GMDS: variants seen among roughly 807,000 people sequenced by gnomAD.
GMDS encodes the protein GDP-mannose 4,6 dehydratase.
In GMDS, 20 loss-of-function variants were observed where a neutral mutation model predicts 49.9. The observed-to-expected ratio is 0.40, with a 90% CI of 0.28 to 0.58. The LOEUF (loss-of-function observed/expected upper bound fraction) is 0.58, where lower values mean the gene tolerates loss of function less well. Ranked by LOEUF, GMDS falls within the 20% of genes least tolerant of loss-of-function variation. GMDS has a pLI of 0.42. For missense variants in GMDS, 362 were observed against 481.4 expected (o/e 0.75, Z 2.32); for synonymous variants, 177 against 178.6 (o/e 0.99, Z 0.07).
At chr6:1,913,543 G>C (rs1171164657) in intron 7 of GMDS, among the ~76,000 whole-genome samples, 1 of 152,178 alleles carries the variant, frequency 6.6e-6, no homozygotes, top group Non-Finnish European at 1.5e-5. Context: ...ATAGAAGGGT[G>C]TGATTTGTTT....
At chr6:1,789,542 T>C (rs609902) in intron 7 of GMDS, among the ~76,000 whole-genome samples, 26 of 45,728 alleles carry the variant, frequency 5.7e-4, no homozygotes, top group African/African-American at 8.7e-4. Flanking sequence ...CTTTTTTTTT[T>C]TTTTTTTTTT....
intron 9 of GMDS, among the ~76,000 whole-genome samples, chr6:1,648,324 A>G (rs1763549995): frequency 6.6e-6 from 1 of 152,220 alleles, no homozygotes; most frequent in Non-Finnish European, 1.5e-5. Context: ...TGGACATTTC[A>G]GGTTCTACCT....
chr6:1,753,432 C>T (rs1767813768), intron 7 of GMDS, among the ~76,000 whole-genome samples: 1 of 152,142 alleles, frequency 6.6e-6, no homozygotes, highest in African/African-American at 2.4e-5. Context: ...GACTCCCACA[C>T]AATAATAGTG....
At position 2,117,553 on chromosome 6, in the gene GMDS, G is replaced by A; in HGVS notation, c.151C>T (p.His51Tyr). ...EFLLEKGYEVHGIVRRSSSFN... is the reference protein window; with the variant it reads ...EFLLEKGYEVYGIVRRSSSFN... ...GAACTGGACCGCCGTACAATTCCAT[G>A]GACCTGAGTTTTTACAGTGTGGAAA... Residue 51 changes from histidine to tyrosine, a missense_variant, in exon 3 of 11, where the codon CAT (histidine) becomes TAT (tyrosine). By Grantham distance (83) the His-to-Tyr change is moderately conservative. Transcript: ENST00000380815. 6.3e-7 allele frequency: 1 copy of A among 1,584,754 alleles called. No homozygotes were observed. Among genetic ancestry groups the A allele is most frequent in the South Asian group, 1.1e-5 (1 of 90,558 alleles).
At chr6:2,091,097 A>T (rs1305030267) in intron 4 of GMDS, among the ~76,000 whole-genome samples, 1 of 152,194 alleles carries the variant, frequency 6.6e-6, no homozygotes, top group Non-Finnish European at 1.5e-5. Flanking sequence ...AAGACTTCAT[A>T]ATGTTTAGTT....
At chr6:1,855,530 T>C (rs1757903640) in intron 7 of GMDS, among the ~76,000 whole-genome samples, 1 of 152,100 alleles carries the variant, frequency 6.6e-6, no homozygotes. Context: ...CTGGTACTAC[T>C]CCCCAAGTAT....
chr6:1,782,449 C>A (rs1004513502), intron 7 of GMDS, among the ~76,000 whole-genome samples: 1 of 152,168 alleles, frequency 6.6e-6, no homozygotes, highest in Admixed American at 6.5e-5. Flanking sequence ...AATCTGTAAT[C>A]TTTTAATAAT....
At chr6:1,984,402 C>T (rs1030694684) in intron 4 of GMDS, among the ~76,000 whole-genome samples, 1 of 151,900 alleles carries the variant, frequency 6.6e-6, no homozygotes, top group East Asian at 1.9e-4. Context: ...AAATCCCCGC[C>T]CCCGCCTCCA....
At position 2,133,315 on chromosome 6, in the gene GMDS, C is replaced by T. The variant is rs186307918; in HGVS notation, c.103-8584G>A. ...TTTATAATTTGTGTCCTGGCTAAGG[C>T]AGGAAGGCAAAACAAATGTCCTTTT... On this transcript the variant is annotated intron_variant, in intron 1 of 10. Transcript: ENST00000380815. 5.3e-5 allele frequency among the ~76,000 whole-genome samples: 8 copies of T among 152,246 alleles called. No individual in the cohort carries two copies. The East Asian group carries it at 1.5e-3, about 29-fold the overall frequency.
intron 7 of GMDS, among the ~76,000 whole-genome samples, chr6:1,761,198 A>C (rs556589845): frequency 5.4e-4 from 82 of 152,352 alleles, no homozygotes; most frequent in African/African-American, 1.9e-3. Flanking sequence ...AATTATTTTA[A>C]AAACACATTA....
chr6:2,023,725 G>C (rs1311275469), intron 4 of GMDS, among the ~76,000 whole-genome samples: 1 of 152,164 alleles, frequency 6.6e-6, no homozygotes, highest in Non-Finnish European at 1.5e-5. Flanking sequence ...ATCCCCAAAT[G>C]GGTAAGGTGA....
At chr6:2,163,845 C>T (rs549941503) in intron 1 of GMDS, among the ~76,000 whole-genome samples, 1 of 152,308 alleles carries the variant, frequency 6.6e-6, no homozygotes, top group East Asian at 1.9e-4. Flanking sequence ...ACAGCTCCCA[C>T]TGTAAGGCCT....
At chr6:1,777,340 C>T (rs528051488) in intron 7 of GMDS, among the ~76,000 whole-genome samples, 116 of 152,346 alleles carry the variant, frequency 7.6e-4, no homozygotes, top group Non-Finnish European at 1.3e-3. Context: ...CATGTTGCTT[C>T]GGAGGATGTG....
At chr6:1,982,648 AC>A (rs1378956572) in intron 4 of GMDS, among the ~76,000 whole-genome samples, 2 of 152,116 alleles carry the variant, frequency 1.3e-5, no homozygotes, top group African/African-American at 4.8e-5. Context: ...AAAATAAAAT[AC>A]CCAGGAATAC....
intron 9 of GMDS, among the ~76,000 whole-genome samples, chr6:1,712,568 C>T (rs145098118): frequency 6.6e-5 from 10 of 152,294 alleles, no homozygotes; most frequent in African/African-American, 2.2e-4. Context: ...AAATGTCACT[C>T]ACATGGAGAG....
intron 9 of GMDS, among the ~76,000 whole-genome samples, chr6:1,709,440 C>T (rs1180583949): frequency 2.0e-5 from 3 of 152,220 alleles, no homozygotes; most frequent in Non-Finnish European, 4.4e-5. Flanking sequence ...CCAATTTCCT[C>T]ATCTGACATG....
chr6:2,100,018 C>T (rs1205416974), intron 4 of GMDS, among the ~76,000 whole-genome samples: 3 of 152,022 alleles, frequency 2.0e-5, no homozygotes, highest in Non-Finnish European at 4.4e-5. Context: ...ATAACTCTTA[C>T]CTGTTTCCCA....
At chr6:2,125,537 T>C (rs989437750) in intron 1 of GMDS, among the ~76,000 whole-genome samples, 2 of 151,270 alleles carry the variant, frequency 1.3e-5, no homozygotes, top group African/African-American at 4.9e-5. Context: ...GAGGCTGGAG[T>C]AAGCCATGAT....
intron 9 of GMDS, among the ~76,000 whole-genome samples, chr6:1,650,460 T>A (rs1763617472): frequency 6.6e-6 from 1 of 152,224 alleles, no homozygotes; most frequent in Non-Finnish European, 1.5e-5. Context: ...TCCGTTCAGA[T>A]TCAGGCAGAA....
Sources: gnomAD v4.1 joint callset for allele counts (sites outside exome capture counted in the v4.1 genomes callset) on GRCh38, gnomAD v4.1.1 for gene constraint, MANE v1.5 for transcripts, NCBI Gene and HGNC (gene_info 2026-07-23, HGNC 2026-07-21) for gene names.